The following VPS35 variants were observed in gnomAD, a reference collection of about 807,000 sequenced individuals.
The protein encoded by VPS35 is vacuolar protein sorting-associated protein 35.
Under a neutral mutation model 98.1 loss-of-function variants are expected in VPS35, and 21 were observed. That is an observed-to-expected ratio of 0.21 (90% confidence interval 0.15 to 0.31). VPS35 has a LOEUF of 0.31. VPS35 is among the 10% of genes least tolerant of loss of function. The pLI, the probability that VPS35 is intolerant of heterozygous loss-of-function variation, is 1.00. For missense variants in VPS35, 554 were observed against 950.8 expected (o/e 0.58, Z 5.49); for synonymous variants, 268 against 318.2 (o/e 0.84, Z 1.68).
chr16:46,677,232 T>A (rs1966165355), intron 7 of VPS35, 83 bp downstream of exon 7: 2 of 1,255,854 alleles, frequency 1.6e-6, no homozygotes, highest in Non-Finnish European at 2.3e-6. Context: ...TATTTCCTAT[T>A]CCATCAAAAT....
In VPS35 at chr16:46,680,858, G is replaced by A. The variant is rs776400423; in HGVS notation, c.324-5C>T. On this transcript the variant is annotated splice_polypyrimidine_tract_variant and splice_region_variant and intron_variant, in intron 4 of 16. Transcript: ENST00000299138. ...CCAACTGTGATCAAAAGGTAACTAGGAAAATTATGAAGAAATGCTGATTAG... is the reference window on the plus strand; with the variant it reads ...CCAACTGTGATCAAAAGGTAACTAGAAAAATTATGAAGAAATGCTGATTAG... The A allele has an allele frequency of 6.2e-7, 1 of 1,612,510 alleles. No homozygotes were observed. The highest frequency in any genetic ancestry group is 1.1e-5 in the South Asian group (1 of 91,018).
At position 46,689,124 on chromosome 16, in the gene VPS35, C is replaced by T. The variant is rs1319391097; in HGVS notation, c.3+7G>A. 1 of 1,609,026 alleles carries T rather than the reference C, an allele frequency of 6.2e-7. No homozygotes were observed. Among genetic ancestry groups the T allele is most frequent in the African/African-American group, 1.3e-5 (1 of 74,886 alleles). ...GACCCAGGTGCCACTGCCCCCTCAG[C>T]ACTCACCATGGCGACTCCCCAGAGC... On this transcript the variant is annotated splice_region_variant and intron_variant, in intron 1 of 16. Transcript: ENST00000299138.
chr16:46,683,307 A>C, intron 2 of VPS35: 1 of 605,768 alleles, frequency 1.7e-6, no homozygotes, highest in Admixed American at 2.8e-5. Context: ...GACAATCCCA[A>C]ACCATAAATA....
chr16:46,687,081 T>C (rs1596728060), intron 1 of VPS35, among the ~76,000 whole-genome samples: 1 of 152,354 alleles, frequency 6.6e-6, no homozygotes, highest in East Asian at 1.9e-4. Context: ...TAATAAGTGC[T>C]ATAATTATTA....
rs1297536902 is a variant in VPS35 at position 46,658,228 on chromosome 16, C to G, written c.*2244G>C. 6.5e-6 allele frequency: 1 copy of G among 153,510 alleles called. No homozygotes were observed. Among genetic ancestry groups the G allele is most frequent in the Non-Finnish European group, 1.5e-5 (1 of 68,046 alleles). 9.5% of individuals were successfully genotyped at this position (153,510 alleles called of 1,614,324 possible). ...ATGTTCCATGAGAATTCATACAACC[C>G]TCTGCAGAACTTCCCCATCCCCAAT... On this transcript the variant is annotated 3_prime_UTR_variant, in exon 17 of 17. Transcript: ENST00000299138.
intron 1 of VPS35, among the ~76,000 whole-genome samples, chr16:46,684,746 T>C (rs1002048019): frequency 3.3e-5 from 5 of 152,200 alleles, no homozygotes; most frequent in Non-Finnish European, 5.9e-5. Flanking sequence ...GTTCACTGCA[T>C]AAATGAATAC....
In VPS35 at chr16:46,681,507, A is replaced by G. The variant is rs547732314; in HGVS notation, c.200-7T>C. 2 of 1,611,866 alleles carry G rather than the reference A, an allele frequency of 1.2e-6. No individual in the cohort carries two copies. Among genetic ancestry groups the G allele is most frequent in the African/African-American group, 2.7e-5 (2 of 74,970 alleles). On this transcript the variant is annotated splice_polypyrimidine_tract_variant and splice_region_variant and intron_variant, in intron 3 of 16. Transcript: ENST00000299138. ...TCATCAGAAATGGCCATATCTTTTA[A>G]TTATGATTAAGGACTAAAAATAAAA...
chr16:46,660,605 T>C lies in VPS35; in HGVS notation c.2258A>G (p.Asp753Gly). The C allele has an allele frequency of 1.2e-6, 2 of 1,613,810 alleles. No homozygotes were observed. Among genetic ancestry groups the C allele is most frequent in the African/African-American group, 1.3e-5 (1 of 74,916 alleles). Residue 753 changes from aspartate (D) to glycine (G), a missense_variant, in exon 17 of 17, where the codon GAC (aspartate) becomes GGC (glycine). By Grantham distance (94) the Asp-to-Gly change is moderately conservative. Transcript: ENST00000299138. ...LNQLIQKIRE[D>G]LPNLESSEET... is the part of the protein sequence containing the mutation. ...TTCACTGGATTCAAGATTCGGGAGG[T>C]CTTCTCGAATCTTTTGGATAAGCTG...
Position 46,682,138 on chromosome 16 carries a change from G to A in VPS35, c.140C>T (p.Ser47Phe). Residue 47 changes from serine (S) to phenylalanine (F), a missense_variant, in exon 3 of 17, where the codon TCT becomes TTT. Transcript: ENST00000299138. Reference protein sequence around the residue: ...NKLMDALKHASNMLGELRTSM... With the variant: ...NKLMDALKHAFNMLGELRTSM... ...AGTCCGGAGTTCACCAAGCATATTA[G>A]AAGCATGTTTTAGAGCATCCATAAG... 1.9e-6 allele frequency: 3 copies of A among 1,613,590 alleles called. No individual in the cohort carries two copies. The highest frequency in any genetic ancestry group is 2.5e-6 in the Non-Finnish European group (3 of 1,179,656).
intron 13 of VPS35, among the ~76,000 whole-genome samples, chr16:46,664,607 C>T (rs750307527): frequency 1.1e-4 from 16 of 151,744 alleles, no homozygotes; most frequent in Non-Finnish European, 2.1e-4. Flanking sequence ...CCACAACCTC[C>T]GCCTCCCAGG....
At chr16:46,684,549 T>C (rs1966283098) in intron 1 of VPS35, among the ~76,000 whole-genome samples, 1 of 152,218 alleles carries the variant, frequency 6.6e-6, no homozygotes. Context: ...CTCTTTGCCA[T>C]CAGCAAAAAT....
intron 10 of VPS35, chr16:46,673,808 AC>A (rs1966101766): frequency 1.3e-5 from 2 of 156,498 alleles, no homozygotes; most frequent in East Asian, 1.9e-4. Flanking sequence ...AAGTTTCCTT[AC>A]CAGTTTAAGA....
At chr16:46,684,609 C>A (rs1185286524) in intron 1 of VPS35, among the ~76,000 whole-genome samples, 1 of 152,186 alleles carries the variant, frequency 6.6e-6, no homozygotes, top group Non-Finnish European at 1.5e-5. Flanking sequence ...TTAACCACTT[C>A]TTCAAGTCAT....
chr16:46,682,139 A>C lies in VPS35; in HGVS notation c.139T>G (p.Ser47Ala). 6.2e-7 allele frequency: 1 copy of C among 1,613,624 alleles called. No homozygotes were observed. The highest frequency in any genetic ancestry group is 8.5e-7 in the Non-Finnish European group (1 of 1,179,670). Residue 47 changes from serine (S) to alanine (A), a missense_variant, in exon 3 of 17, where the codon TCT becomes GCT. Transcript: ENST00000299138. ...NKLMDALKHA[S>A]NMLGELRTSM... The stretch of plus-strand genomic sequence containing the variant: ...GTCCGGAGTTCACCAAGCATATTAG[A>C]AGCATGTTTTAGAGCATCCATAAGC...
intron 6 of VPS35, 149 bp from the exon 7 acceptor site, chr16:46,677,547 T>C: frequency 1.4e-6 from 1 of 712,994 alleles, no homozygotes; most frequent in Non-Finnish European, 2.4e-6. Context: ...AAAGCTTTTT[T>C]CTTTTTGAGA....
At chr16:46,665,725 AT>A (rs939106177) in intron 13 of VPS35, among the ~76,000 whole-genome samples, 2 of 152,144 alleles carry the variant, frequency 1.3e-5, no homozygotes, top group Non-Finnish European at 2.9e-5. Flanking sequence ...GATCCCCAGA[AT>A]TTTTTTATCT....
intron 1 of VPS35, among the ~76,000 whole-genome samples, chr16:46,685,905 T>C (rs1438147827): frequency 1.3e-5 from 2 of 152,214 alleles, no homozygotes; most frequent in African/African-American, 2.4e-5. Flanking sequence ...CTTGTTGTGG[T>C]AAAATGTACC....
chr16:46,666,959 T>G (rs1485816230), intron 13 of VPS35, among the ~76,000 whole-genome samples: 1 of 152,222 alleles, frequency 6.6e-6, no homozygotes, highest in Non-Finnish European at 1.5e-5. Flanking sequence ...GAGATACTGA[T>G]TTCCTTTCCT....
At chr16:46,688,240 A>G (rs750213007) in intron 1 of VPS35, 1 of 875,828 alleles carries the variant, frequency 1.1e-6, no homozygotes, top group East Asian at 1.2e-4. Context: ...GCGGACATAC[A>G]GTATATACTC....
Sources: allele counts gnomAD v4.1 joint callset (sites outside exome capture counted in the v4.1 genomes callset), GRCh38; gene constraint gnomAD v4.1.1; transcripts MANE v1.5; gene names NCBI Gene and HGNC (gene_info 2026-07-23, HGNC 2026-07-21).